Variants in PHACTR1 observed in about 807,000 individuals in gnomAD.
PHACTR1 encodes the protein RPEL repeat containing 1.
A neutral mutation model predicts 69.2 loss-of-function variants in PHACTR1; 16 were observed. The ratio of observed to expected loss-of-function variants is 0.23; its 90% CI spans 0.16 to 0.35. PHACTR1 has a LOEUF of 0.35. Among genes scored for constraint, PHACTR1 ranks in the 10% least tolerant of loss-of-function variants. The pLI is 1.00. For missense variants in PHACTR1, 510 were observed against 734.7 expected (o/e 0.69, Z 3.54); for synonymous variants, 312 against 284.5 (o/e 1.10, Z -0.97).
chr6:12,804,489 A>T (rs1285284343), intron 4 of PHACTR1, among the ~76,000 whole-genome samples: 1 of 152,214 alleles, frequency 6.6e-6, no homozygotes, highest in Non-Finnish European at 1.5e-5. Context: ...TTACAGAATG[A>T]TTATTTGAAA....
chr6:13,064,735 C>G (rs541548683), intron 5 of PHACTR1, among the ~76,000 whole-genome samples: 92 of 149,668 alleles, frequency 6.1e-4, no homozygotes, highest in Non-Finnish European at 1.1e-3. Context: ...GAAGCTTCAG[C>G]GTGGTCTGGG....
At chr6:12,984,421 T>C (rs1795881467) in intron 4 of PHACTR1, among the ~76,000 whole-genome samples, 1 of 152,194 alleles carries the variant, frequency 6.6e-6, no homozygotes, top group South Asian at 2.1e-4. Context: ...ACAAAGTAGC[T>C]CCTTCCAGAA....
chr6:13,025,671 T>TG (rs1801577968), intron 4 of PHACTR1, among the ~76,000 whole-genome samples: 1 of 140,220 alleles, frequency 7.1e-6, no homozygotes, highest in East Asian at 2.1e-4. Flanking sequence ...CATATATTAT[T>TG]TGTGTGTGTG....
chr6:13,003,951 C>CTATATATATGTATATATATA (rs1798414765), intron 4 of PHACTR1, among the ~76,000 whole-genome samples: 3 of 93,548 alleles, frequency 3.2e-5, no homozygotes, highest in African/African-American at 1.9e-4. Flanking sequence ...AGTAGTATTC[C>CTATATATATGTATATATATA]TATATATATA....
At chr6:12,968,109 C>T (rs1015902997) in intron 4 of PHACTR1, among the ~76,000 whole-genome samples, 1 of 152,130 alleles carries the variant, frequency 6.6e-6, no homozygotes, top group African/African-American at 2.4e-5. Flanking sequence ...GGAAAAGAAC[C>T]CAAGGGAAGG....
chr6:12,958,426 G>T (rs919729174), intron 4 of PHACTR1, among the ~76,000 whole-genome samples: 2 of 152,232 alleles, frequency 1.3e-5, no homozygotes, highest in African/African-American at 4.8e-5. Flanking sequence ...TTTGGGGAAA[G>T]TGGGTTCAGG....
chr6:13,231,123 A>AAGAAAGAAGGAAAG (rs1244723780), intron 10 of PHACTR1, among the ~76,000 whole-genome samples: 5 of 132,000 alleles, frequency 3.8e-5, no homozygotes, highest in South Asian at 2.3e-4. Flanking sequence ...GAAAGAGAGA[A>AAGAAAGAAGGAAAG]AGAAAGAAGG....
chr6:12,735,096 C>T (rs9463072), intron 3 of PHACTR1, among the ~76,000 whole-genome samples: 45,850 of 151,996 alleles, frequency 0.3, 7,793 homozygotes, highest in Middle Eastern at 0.45. Context: ...GTGACAGTCA[C>T]GAGGTTGGCT....
chr6:12,759,899 C>G (rs949407395), intron 4 of PHACTR1, among the ~76,000 whole-genome samples: 1 of 152,216 alleles, frequency 6.6e-6, no homozygotes, highest in Non-Finnish European at 1.5e-5. Flanking sequence ...GATCCTCACT[C>G]TGCCACTTAC....
chr6:12,733,907 G>A (rs509746), intron 3 of PHACTR1, among the ~76,000 whole-genome samples: 92,956 of 151,932 alleles, frequency 0.61, 28,785 homozygotes, highest in East Asian at 0.92. Flanking sequence ...GTACTATCAA[G>A]TAAGATTGGA....
chr6:12,724,559 G>A (rs1762542754), intron 3 of PHACTR1, among the ~76,000 whole-genome samples: 1 of 152,088 alleles, frequency 6.6e-6, no homozygotes, highest in African/African-American at 2.4e-5. Context: ...CATCTCCAAA[G>A]CCCAAGCTAT....
intron 5 of PHACTR1, among the ~76,000 whole-genome samples, chr6:13,081,019 A>G (rs900377802): frequency 2.0e-5 from 3 of 152,226 alleles, no homozygotes; most frequent in African/African-American, 4.8e-5. Context: ...AACATGTTGA[A>G]TAACCAATGG....
intron 5 of PHACTR1, among the ~76,000 whole-genome samples, chr6:13,118,512 T>C (rs1818162298): frequency 1.3e-5 from 2 of 149,690 alleles, no homozygotes; most frequent in African/African-American, 5.0e-5. Flanking sequence ...GGAGTCTCGC[T>C]TTGTTGCCCA....
intron 4 of PHACTR1, among the ~76,000 whole-genome samples, chr6:12,820,073 T>C (rs912672339): frequency 1.3e-5 from 2 of 152,202 alleles, no homozygotes; most frequent in African/African-American, 4.8e-5. Flanking sequence ...TTTGGAGGAA[T>C]GGGATGGGGG....
chr6:13,218,666 C>T (rs1008462), intron 8 of PHACTR1, among the ~76,000 whole-genome samples: 20 of 151,748 alleles, frequency 1.3e-4, no homozygotes, highest in African/African-American at 4.1e-4. Flanking sequence ...CAAAAAAAAT[C>T]AAAAAATTAG....
intron 3 of PHACTR1, among the ~76,000 whole-genome samples, chr6:12,739,980 A>G (rs1764825876): frequency 6.6e-6 from 1 of 152,356 alleles, no homozygotes; most frequent in South Asian, 2.1e-4. Context: ...CCTACATTTC[A>G]AAAGATTTCC....
At chr6:12,803,856 G>A (rs1407529141) in intron 4 of PHACTR1, among the ~76,000 whole-genome samples, 1 of 152,196 alleles carries the variant, frequency 6.6e-6, no homozygotes, top group Non-Finnish European at 1.5e-5. Flanking sequence ...ATTGACAAGT[G>A]TCCCTGGGAG....
At chr6:12,724,276 G>A (rs1046976378) in intron 3 of PHACTR1, among the ~76,000 whole-genome samples, 2 of 152,124 alleles carry the variant, frequency 1.3e-5, no homozygotes, top group African/African-American at 2.4e-5. Flanking sequence ...GCAGTGAACC[G>A]AGATCGCACC....
intron 4 of PHACTR1, among the ~76,000 whole-genome samples, chr6:12,810,189 A>G (rs1774864577): frequency 6.6e-6 from 1 of 152,220 alleles, no homozygotes. Flanking sequence ...TTCTCTTCAT[A>G]TAATATACAC....
Sources: gnomAD v4.1 joint callset for allele counts (sites outside exome capture counted in the v4.1 genomes callset) on GRCh38, gnomAD v4.1.1 for gene constraint, MANE v1.5 for transcripts, NCBI Gene and HGNC (gene_info 2026-07-23, HGNC 2026-07-21) for gene names.